Variants in EYS observed in about 807,000 individuals in gnomAD.
EYS encodes EGF-like photoreceptor maintenance factor, also known as protein eyes shut homolog.
Under a neutral mutation model 282.1 loss-of-function variants are expected in EYS, and 250 were observed. That is an observed-to-expected ratio of 0.89 (90% CI 0.80 to 0.98). The LOEUF (loss-of-function observed/expected upper bound fraction) is 0.98. EYS is among the 50% of genes least tolerant of loss of function. The pLI is 0.00. For missense variants in EYS, 4,016 were observed against 3,709.0 expected (o/e 1.08, Z -2.15); for synonymous variants, 1,355 against 1,282.9 (o/e 1.06, Z -1.20).
Position 63,721,058 on chromosome 6 carries a change from T to G in EYS, c.8973A>C (p.Thr2991=), listed in dbSNP as rs1768364057. The change falls in exon 43 of 43, where the codon ACA becomes ACC. Residue 2991 remains threonine, a synonymous_variant. Transcript: ENST00000503581. ...TISLNFSTTK[T]EGLIVWMGIA... ...TTCCCATCCATACAATTAGACCTTC[T>G]GTTTTAGTGGTACTGAAATTTAAGG... The G allele has an allele frequency of 6.4e-7, 1 of 1,551,298 alleles. No homozygotes were observed. Among genetic ancestry groups the G allele is most frequent in the Non-Finnish European group, 8.7e-7 (1 of 1,146,842 alleles).
rs1768344840 is a variant in EYS at position 63,720,737 on chromosome 6, G to A, written c.9294C>T (p.Ile3098=). The change falls in exon 43 of 43, where the codon ATC becomes ATT. Residue 3098 remains isoleucine, a synonymous_variant. Coordinates refer to ENST00000503581, the MANE Select transcript of EYS (RefSeq NM_001142800.2). The part of the protein sequence containing the change: ...GGFEYGRKVN[I]VTQEIFKTNF... ...TGGTTTTAAAAATCTCTTGAGTAAC[G>A]ATATTTACCTTTCTACCATATTCAA... 3 of 1,548,644 alleles carry A rather than the reference G, an allele frequency of 1.9e-6. No homozygotes were observed. In the Admixed American group the frequency reaches 5.9e-5, roughly 31 times the overall value.
intron 19 of EYS, among the ~76,000 whole-genome samples, chr6:64,828,108 T>C (rs1171074509): frequency 4.0e-5 from 6 of 151,848 alleles, no homozygotes; most frequent in Admixed American, 2.0e-4. Flanking sequence ...AGGAAAATAA[T>C]ACAAGATGAA....
At chr6:64,314,471 T>A (rs1024295154) in intron 29 of EYS, among the ~76,000 whole-genome samples, 13 of 151,776 alleles carry the variant, frequency 8.6e-5, no homozygotes, top group Admixed American at 3.9e-4. Context: ...ATTAGATGAA[T>A]GAGACAGAAA....
chr6:64,932,358 C>T (rs770630983), intron 15 of EYS, among the ~76,000 whole-genome samples: 2 of 151,978 alleles, frequency 1.3e-5, no homozygotes, highest in Non-Finnish European at 2.9e-5. Context: ...TTTATTTGAC[C>T]TGACTAAAAA....
At position 64,864,739 on chromosome 6, in the gene EYS, G is replaced by C. The variant is rs530979801; in HGVS notation, c.2992+21958C>G. Among the ~76,000 whole-genome samples the C allele has an allele frequency of 5.3e-5, 8 of 151,552 alleles. 1 individual carries two copies. The South Asian group carries it at 1.3e-3, about 24-fold the overall frequency. On this transcript the variant is annotated intron_variant, in intron 19 of 42. Transcript: ENST00000503581. ...AGATTGAGAATTTTAAGTTGACTTA[G>C]AAAGGTTAATAATGGGGCAGGCGCA...
chr6:64,582,607 AT>A (rs1766110650), intron 26 of EYS, among the ~76,000 whole-genome samples: 1 of 104,116 alleles, frequency 9.6e-6, no homozygotes, highest in South Asian at 2.9e-4. Context: ...TTTGCTTGCT[AT>A]TTTTCCAAGG....
At chr6:65,597,571 C>A (rs1385413479) in intron 2 of EYS, among the ~76,000 whole-genome samples, 1 of 152,068 alleles carries the variant, frequency 6.6e-6, no homozygotes, top group African/African-American at 2.4e-5. Context: ...TGTAGCCTTG[C>A]ATCAAATAAT....
intron 26 of EYS, among the ~76,000 whole-genome samples, chr6:64,496,944 C>T (rs953463231): frequency 1.3e-5 from 2 of 151,810 alleles, no homozygotes; most frequent in Admixed American, 1.3e-4. Flanking sequence ...GGATTTATGC[C>T]ATAGTATAAA....
chr6:63,904,680 G>C (rs946535228), intron 35 of EYS, among the ~76,000 whole-genome samples: 2 of 152,212 alleles, frequency 1.3e-5, no homozygotes, highest in African/African-American at 4.8e-5. Flanking sequence ...TGTCTGTCAT[G>C]AAGCCATGGA....
intron 35 of EYS, among the ~76,000 whole-genome samples, chr6:63,908,751 A>T (rs1276446283): frequency 6.6e-6 from 1 of 152,192 alleles, no homozygotes; most frequent in Non-Finnish European, 1.5e-5. Context: ...GCACCTAGCT[A>T]GAAAAGACAT....
chr6:65,008,223 C>T (rs9363319), intron 13 of EYS, among the ~76,000 whole-genome samples: 10,304 of 152,162 alleles, frequency 0.068, 436 homozygotes, highest in East Asian at 0.13. Context: ...AAAATCCTAC[C>T]GCCTTTCTGG....
At chr6:64,267,870 A>T (rs976267859) in intron 30 of EYS, among the ~76,000 whole-genome samples, 10 of 152,138 alleles carry the variant, frequency 6.6e-5, no homozygotes, top group Admixed American at 5.2e-4. Flanking sequence ...GCAAAATTTT[A>T]AAAAATGATT....
intron 33 of EYS, among the ~76,000 whole-genome samples, chr6:64,049,233 C>T (rs530084821): frequency 4.5e-4 from 69 of 152,228 alleles, no homozygotes; most frequent in African/African-American, 1.4e-3. Flanking sequence ...CATGTATCTA[C>T]CTAGATCCTA....
chr6:64,426,585 A>G (rs1202926020), intron 28 of EYS, among the ~76,000 whole-genome samples: 1 of 152,042 alleles, frequency 6.6e-6, no homozygotes, highest in African/African-American at 2.4e-5. Context: ...AGAGAAAAAG[A>G]TGGATAATAC....
chr6:65,159,608 G>A (rs1224433208), intron 12 of EYS, among the ~76,000 whole-genome samples: 2 of 150,722 alleles, frequency 1.3e-5, no homozygotes, highest in African/African-American at 4.8e-5. Flanking sequence ...AGTTTTCCCA[G>A]ATAAGTCAAA....
intron 35 of EYS, among the ~76,000 whole-genome samples, chr6:63,887,489 G>A (rs1009283194): frequency 6.6e-6 from 1 of 151,936 alleles, no homozygotes; most frequent in Non-Finnish European, 1.5e-5. Context: ...TTAGACAATG[G>A]GTACAGCCCA....
At chr6:64,412,256 T>A (rs1315648578) in intron 28 of EYS, among the ~76,000 whole-genome samples, 2 of 152,080 alleles carry the variant, frequency 1.3e-5, no homozygotes, top group African/African-American at 4.8e-5. Context: ...TTTTGGTAAA[T>A]TTTACTAAAA....
chr6:65,281,832 T>C (rs1768227598), intron 12 of EYS, among the ~76,000 whole-genome samples: 1 of 152,150 alleles, frequency 6.6e-6, no homozygotes, highest in Non-Finnish European at 1.5e-5. Context: ...TCTAGATAAA[T>C]ATGTCTCCTA....
chr6:64,907,018 T>G (rs561125208), intron 16 of EYS, among the ~76,000 whole-genome samples: 2 of 152,134 alleles, frequency 1.3e-5, no homozygotes, highest in South Asian at 4.1e-4. Context: ...GTCTTTACCT[T>G]CTTAATCTTC....
Sources: gnomAD v4.1 joint callset for allele counts (sites outside exome capture counted in the v4.1 genomes callset) on GRCh38, gnomAD v4.1.1 for gene constraint, MANE v1.5 for transcripts, NCBI Gene and HGNC (gene_info 2026-07-23, HGNC 2026-07-21) for gene names.